The following TIGD4 variants were observed in gnomAD, a reference collection of about 807,000 sequenced individuals.
The protein encoded by TIGD4 is tigger transposable element derived 4, also known as tigger transposable element-derived protein 4.
A neutral mutation model predicts 24.9 loss-of-function variants in TIGD4; 20 were observed. The ratio of observed to expected loss-of-function variants is 0.80; its 90% CI spans 0.56 to 1.17. The LOEUF is 1.17. TIGD4 is among the 50% of genes most tolerant of loss of function. The pLI is 0.00. For synonymous variants in TIGD4, 193 were observed against 211.0 expected (o/e 0.91, Z 0.74); for missense variants, 566 against 591.0 (o/e 0.96, Z 0.44).
intron 1 of TIGD4, among the ~76,000 whole-genome samples, chr4:152,772,291 C>T (rs193291847): frequency 1.3e-5 from 2 of 151,940 alleles, no homozygotes; most frequent in African/African-American, 4.8e-5. Flanking sequence ...AGACTAAGAA[C>T]AGGAAGGATA....
At chr4:152,772,214 G>C (rs1430798291) in intron 1 of TIGD4, among the ~76,000 whole-genome samples, 1 of 152,002 alleles carries the variant, frequency 6.6e-6, no homozygotes, top group Admixed American at 6.6e-5. Context: ...AAGGTACAGA[G>C]GCCAGAAATA....
intron 1 of TIGD4, among the ~76,000 whole-genome samples, chr4:152,778,976 C>T (rs1261784586): frequency 6.6e-6 from 1 of 152,120 alleles, no homozygotes; most frequent in African/African-American, 2.4e-5. Context: ...TCCAGCAGTT[C>T]GAAGGGATAT....
chr4:152,771,238 C>G lies in TIGD4; in HGVS notation c.-234G>C. The G allele has an allele frequency of 2.3e-6, 1 of 431,696 alleles. No homozygotes were observed. Among genetic ancestry groups the G allele is most frequent in the Non-Finnish European group, 4.1e-6 (1 of 242,952 alleles). The allele number at this position is 431,696 out of a possible 1,614,324, so 26.7% of individuals were successfully genotyped here. On this transcript the variant is annotated 5_prime_UTR_variant, in exon 2 of 2. Coordinates refer to ENST00000304337, the MANE Select transcript of TIGD4 (RefSeq NM_145720.4). ...AATATTTTAGAAGAGAAACTTCCTT[C>G]CTAGTACCTTGTATAGCTCAGTTTA...
intron 1 of TIGD4, among the ~76,000 whole-genome samples, chr4:152,773,642 T>TAAAA (rs71598212): frequency 2.6e-4 from 21 of 82,146 alleles, no homozygotes; most frequent in East Asian, 1.7e-3. Context: ...TCCAATGCCT[T>TAAAA]AAAAAAAAAA....
At chr4:152,773,106 A>T (rs1730205442) in intron 1 of TIGD4, among the ~76,000 whole-genome samples, 1 of 152,180 alleles carries the variant, frequency 6.6e-6, no homozygotes, top group African/African-American at 2.4e-5. Context: ...CACCTCCCTT[A>T]TCAGAATCTG....
chr4:152,776,158 A>G (rs1730256772), intron 1 of TIGD4, among the ~76,000 whole-genome samples: 1 of 152,218 alleles, frequency 6.6e-6, no homozygotes, highest in African/African-American at 2.4e-5. Flanking sequence ...ATTACATCAG[A>G]GCAGAGGCTC....
At chr4:152,773,981 C>T (rs1357147558) in intron 1 of TIGD4, among the ~76,000 whole-genome samples, 2 of 151,260 alleles carry the variant, frequency 1.3e-5, no homozygotes, top group Non-Finnish European at 3.0e-5. Context: ...TCAACTTCGT[C>T]CTTCCTTCTT....
Position 152,770,729 on chromosome 4 carries a change from CATT to C in TIGD4, c.273_275del (p.Met92del). On this transcript the variant is annotated inframe_deletion, in exon 2 of 2. Transcript: ENST00000304337. The stretch of plus-strand genomic sequence containing the variant: ...GACACTGAGCAATTCGATACCATCT[CATT>C]AATGCCTCTTCCAGATCTGTGTAAA... The C allele has an allele frequency of 1.2e-6, 2 of 1,613,736 alleles. No individual in the cohort carries two copies. Among genetic ancestry groups the C allele is most frequent in the Non-Finnish European group, 1.7e-6 (2 of 1,179,852 alleles).
At position 152,770,138 on chromosome 4, in the gene TIGD4, A is replaced by C. The variant is rs1257673010; in HGVS notation, c.867T>G (p.Ser289=). ...QQRRVVIFVE[S]FPAHPEVKNL... ...TCTTTACCTCTGGATGTGCTGGAAA[A>C]GACTCAACAAAAATCACCACTCTTC... The change falls in exon 2 of 2, where the codon TCT becomes TCG. Residue 289 remains serine, a synonymous_variant. Coordinates refer to ENST00000304337, the MANE Select transcript of TIGD4 (RefSeq NM_145720.4). 6.2e-7 allele frequency: 1 copy of C among 1,613,980 alleles called. No homozygotes were observed. Among genetic ancestry groups the C allele is most frequent in the Non-Finnish European group, 8.5e-7 (1 of 1,179,964 alleles).
At position 152,770,172 on chromosome 4, in the gene TIGD4, G is replaced by C. The variant is rs772651150; in HGVS notation, c.833C>G (p.Ala278Gly). 8 of 1,613,976 alleles carry C rather than the reference G, an allele frequency of 5.0e-6. No homozygotes were observed. The highest frequency in any genetic ancestry group is 6.8e-6 in the Non-Finnish European group (8 of 1,179,962). ...WMRKLDEEFQ[A>G]QQRRVVIFVE... ...AAAAATCACCACTCTTCGTTGCTGGGCTTGAAATTCCTCATCAAGCTTTCG... is the reference window on the plus strand; with the variant it reads ...AAAAATCACCACTCTTCGTTGCTGGCCTTGAAATTCCTCATCAAGCTTTCG... The change falls in exon 2 of 2, where the codon GCC becomes GGC. Residue 278 changes from alanine (A) to glycine (G), a missense_variant. By Grantham distance (60) the Ala-to-Gly change is moderately conservative. Coordinates refer to ENST00000304337, the MANE Select transcript of TIGD4 (RefSeq NM_145720.4).
intron 1 of TIGD4, among the ~76,000 whole-genome samples, chr4:152,774,793 G>A (rs138286681): frequency 6.6e-6 from 1 of 152,258 alleles, no homozygotes; most frequent in Non-Finnish European, 1.5e-5. Context: ...TTGCTGGGGT[G>A]AGGTAACAGG....
In TIGD4 at chr4:152,770,637, T is replaced by C. The variant is rs147374451; in HGVS notation, c.368A>G (p.His123Arg). ...KANDFAQKLG[H>R]NDFKCSNGWL... ...ACCATTACTGCACTTAAAATCATTA[T>C]GGCCCAGTTTCTGGGCAAAATCATT... Residue 123 changes from histidine to arginine, a missense_variant, in exon 2 of 2, where the codon CAT becomes CGT. His to Arg is a conservative substitution (Grantham distance 29). Transcript: ENST00000304337. The C allele has an allele frequency of 1.1e-4, 169 of 1,603,054 alleles. No homozygotes were observed. Among genetic ancestry groups the C allele is most frequent in the Non-Finnish European group, 1.4e-4 (162 of 1,176,408 alleles).
rs1730163282 is a variant in TIGD4 at position 152,771,021 on chromosome 4, G to T, written c.-17C>A. ...TTCTGCCATCTCAGCCAGTGCTTAT[G>T]TAGAGATTACTCTTCTTAACTTCCT... On this transcript the variant is annotated 5_prime_UTR_variant, in exon 2 of 2. Transcript: ENST00000304337. 6.4e-7 allele frequency: 1 copy of T among 1,571,400 alleles called. No homozygotes were observed. The highest frequency in any genetic ancestry group is 1.2e-5 in the South Asian group (1 of 82,896).
intron 1 of TIGD4, among the ~76,000 whole-genome samples, chr4:152,776,674 G>C (rs1364713946): frequency 1.3e-5 from 2 of 152,138 alleles, no homozygotes; most frequent in Non-Finnish European, 2.9e-5. Flanking sequence ...TGGTATTCTT[G>C]AACTTGCCTG....
chr4:152,770,489 AT>A lies in TIGD4; in HGVS notation c.515del (p.Asn172MetfsTer11). The A allele has an allele frequency of 6.2e-7, 1 of 1,611,014 alleles. No homozygotes were observed. The highest frequency in any genetic ancestry group is 8.5e-7 in the Non-Finnish European group (1 of 1,178,712). On this transcript the variant is annotated frameshift_variant, in exon 2 of 2. Transcript: ENST00000304337. LOFTEE classifies it high-confidence loss of function. ...WYQNVLPYYLNDYHPKNVFNI... is the reference protein window; with the variant it reads ...WYQNVLPYYLXDYHPKNVFNI... ...TAAAAACATTTTTAGGATGATAATC[AT>A]TTAAATAATAAGGAAGTACATTTTG...
chr4:152,779,131 G>A (rs184861988), intron 1 of TIGD4, among the ~76,000 whole-genome samples: 24 of 151,842 alleles, frequency 1.6e-4, no homozygotes, highest in Admixed American at 1.5e-3. Flanking sequence ...AAACTACGAA[G>A]GGCTCTGAGA....
chr4:152,779,237 G>T (rs1027329919), intron 1 of TIGD4, among the ~76,000 whole-genome samples: 1 of 152,210 alleles, frequency 6.6e-6, no homozygotes, highest in African/African-American at 2.4e-5. Flanking sequence ...TCCGGAAAAA[G>T]AAAGAGGAGC....
chr4:152,770,610 C>T lies in TIGD4; in HGVS notation c.395G>A (p.Trp132Ter). 1 of 1,604,898 alleles carries T rather than the reference C, an allele frequency of 6.2e-7. No individual in the cohort carries two copies. Among genetic ancestry groups the T allele is most frequent in the Non-Finnish European group, 8.5e-7 (1 of 1,176,444 alleles). ...GHNDFKCSNG[W>*]LDRFKSRYGL... ...ATACCTGGATTTAAAACGATCCAGC[C>T]AACCATTACTGCACTTAAAATCATT... The change falls in exon 2 of 2, where the codon TGG becomes TAG. Residue 132 changes from tryptophan to a stop codon, truncating the protein, a stop_gained. Coordinates refer to ENST00000304337, the MANE Select transcript of TIGD4 (RefSeq NM_145720.4). LOFTEE classifies it high-confidence loss of function.
chr4:152,778,857 G>T (rs1473030812), intron 1 of TIGD4, among the ~76,000 whole-genome samples: 1 of 152,202 alleles, frequency 6.6e-6, no homozygotes, highest in African/African-American at 2.4e-5. Context: ...CAGCTGAGAA[G>T]TACGGTCTAA....
Sources: gnomAD v4.1 joint callset for allele counts (sites outside exome capture counted in the v4.1 genomes callset) on GRCh38, gnomAD v4.1.1 for gene constraint, MANE v1.5 for transcripts, NCBI Gene and HGNC (gene_info 2026-07-23, HGNC 2026-07-21) for gene names.